DPH6: variants seen among roughly 807,000 people sequenced by gnomAD.
DPH6 encodes diphthine--ammonia ligase.
A neutral mutation model predicts 38.2 loss-of-function variants in DPH6; 33 were observed. The ratio of observed to expected loss-of-function variants is 0.86; its 90% CI spans 0.65 to 1.15. The LOEUF is 1.15. Among genes scored for constraint, DPH6 ranks in the 50% most tolerant of loss-of-function variants. The pLI is 0.00. For missense variants in DPH6, 325 were observed against 320.0 expected, an observed-to-expected ratio of 1.02 and a Z score of -0.12; for synonymous variants, 108 against 103.0, an observed-to-expected ratio of 1.05 and a Z score of -0.30.
chr15:35,298,811 C>T lies in DPH6; in HGVS notation n.200+74710G>A, dbSNP rs149596748. On this transcript the variant is annotated intron_variant and non_coding_transcript_variant, in intron 3 of 3. Transcript: ENST00000560386. ...GGAGATCTCGGTCTGTCTTGTTCCTCGTACACTGGGGGAGGAATGGCAGTT... is the reference window on the plus strand; with the variant it reads ...GGAGATCTCGGTCTGTCTTGTTCCTTGTACACTGGGGGAGGAATGGCAGTT... The T allele has an allele frequency of 1.2e-5, 13 of 1,120,626 alleles. No homozygotes were observed. In the East Asian group the frequency reaches 1.9e-4, roughly 16 times the overall value. 69.4% of individuals were successfully genotyped at this position (1,120,626 alleles called of 1,614,324 possible).
At chr15:35,151,099 C>T in the DPH6 span, among the ~76,000 whole-genome samples, 48 of 152,280 alleles carry the variant, frequency 3.2e-4, no homozygotes, top group East Asian at 3.9e-4. Flanking sequence ...GTAGGTAACT[C>T]GATTGAGTTA....
chr15:35,480,093 GAAGT>G (rs1158163910), intron 3 of DPH6, among the ~76,000 whole-genome samples: 2 of 151,748 alleles, frequency 1.3e-5, no homozygotes, highest in Non-Finnish European at 1.5e-5. Context: ...TGCATTAACT[GAAGT>G]AAGTCAATAT....
intron 3 of DPH6, among the ~76,000 whole-genome samples, chr15:35,300,578 GGTGA>G (rs1313606571): frequency 6.6e-6 from 1 of 152,276 alleles, no homozygotes; most frequent in East Asian, 1.9e-4. Flanking sequence ...TGAGCAACTG[GGTGA>G]GTATTTATGC....
At chr15:35,530,416 C>T (rs2055068937) in intron 3 of DPH6, among the ~76,000 whole-genome samples, 1 of 151,988 alleles carries the variant, frequency 6.6e-6, no homozygotes, top group African/African-American at 2.4e-5. Context: ...AAATACTCAA[C>T]ACAATGTAAG....
the DPH6 span, among the ~76,000 whole-genome samples, chr15:35,160,100 C>G: frequency 1.3e-5 from 2 of 151,938 alleles, no homozygotes; most frequent in Non-Finnish European, 2.9e-5. Flanking sequence ...ACTATGCTCA[C>G]TACCTGGGTG....
chr15:35,337,674 A>G (rs9672730), intron 3 of DPH6, among the ~76,000 whole-genome samples: 4,987 of 152,270 alleles, frequency 0.033, 249 homozygotes, highest in African/African-American at 0.11. Context: ...AGAATTGGAA[A>G]AAACTACTTT....
At chr15:35,485,809 G>C (rs551968987) in intron 3 of DPH6, among the ~76,000 whole-genome samples, 2 of 152,160 alleles carry the variant, frequency 1.3e-5, no homozygotes, top group African/African-American at 4.8e-5. Flanking sequence ...TTGGATTATG[G>C]TGATATGATG....
intron 3 of DPH6, among the ~76,000 whole-genome samples, chr15:35,501,750 G>A (rs1407292463): frequency 6.6e-6 from 1 of 152,102 alleles, no homozygotes; most frequent in Non-Finnish European, 1.5e-5. Context: ...TAGAGAAAAT[G>A]TAGAAGGTCA....
At chr15:35,173,598 T>C in the DPH6 span, among the ~76,000 whole-genome samples, 1 of 152,034 alleles carries the variant, frequency 6.6e-6, no homozygotes, top group African/African-American at 2.4e-5. Flanking sequence ...CAATGGATTC[T>C]GGTCTAATGT....
chr15:35,475,879 C>T (rs2054258011), intron 3 of DPH6, among the ~76,000 whole-genome samples: 1 of 151,730 alleles, frequency 6.6e-6, no homozygotes, highest in Admixed American at 6.6e-5. Flanking sequence ...AAGCCACAGT[C>T]TCTGCCCTCA....
chr15:35,385,425 T>A (rs1365423492), intron 6 of DPH6, among the ~76,000 whole-genome samples: 2 of 151,912 alleles, frequency 1.3e-5, no homozygotes, highest in Admixed American at 6.6e-5. Flanking sequence ...CAGCATGGAG[T>A]ACTATGTAGC....
chr15:35,520,994 T>C (rs571392944), intron 3 of DPH6: 5 of 985,184 alleles, frequency 5.1e-6, no homozygotes, highest in Middle Eastern at 5.2e-4. Context: ...TCCAGTAATA[T>C]GTCAACCTAC....
intron 6 of DPH6, among the ~76,000 whole-genome samples, chr15:35,406,468 C>T (rs1476384510): frequency 6.6e-6 from 1 of 151,894 alleles, no homozygotes; most frequent in Non-Finnish European, 1.5e-5. Context: ...CATGATGGGA[C>T]TGTGGACAAT....
intron 3 of DPH6, among the ~76,000 whole-genome samples, chr15:35,293,965 C>A (rs1359084977): frequency 1.3e-5 from 2 of 152,144 alleles, no homozygotes; most frequent in East Asian, 3.8e-4. Flanking sequence ...GCAATCCAAC[C>A]TCTAGCCTCT....
chr15:35,262,567 G>A (rs558769259), intron 3 of DPH6, among the ~76,000 whole-genome samples: 23 of 152,018 alleles, frequency 1.5e-4, no homozygotes, highest in African/African-American at 2.7e-4. Context: ...TTAGCTGGGC[G>A]TGGTGGCGGG....
At chr15:35,522,592 A>T (rs1488182646) in intron 3 of DPH6, among the ~76,000 whole-genome samples, 1 of 152,146 alleles carries the variant, frequency 6.6e-6, no homozygotes, top group Non-Finnish European at 1.5e-5. Context: ...TGAACCTTCA[A>T]AAAGGACCTG....
chr15:35,412,799 G>C (rs1273070067), intron 5 of DPH6, among the ~76,000 whole-genome samples: 1 of 151,656 alleles, frequency 6.6e-6, no homozygotes, highest in East Asian at 1.9e-4. Context: ...ATAGTAGAAA[G>C]GCCAGTGATT....
chr15:35,454,815 T>C lies in DPH6; in HGVS notation c.318A>G (p.Lys106=). 4.4e-6 allele frequency: 7 copies of C among 1,595,484 alleles called. No individual in the cohort carries two copies. The highest frequency in any genetic ancestry group is 6.0e-6 in the Non-Finnish European group (7 of 1,173,408). The stretch of plus-strand genomic sequence containing the variant: ...CTACTGATATCCCCTCTACTTCTTC[T>C]TTTTCCTGAAAATAAAGAAAAAAAC... ...LYELLKLVKE[K]EEVEGISVGA... The change falls in exon 4 of 9, where the codon AAA becomes AAG. Residue 106 remains lysine, a synonymous_variant. Transcript: ENST00000256538.
chr15:35,307,446 G>T (rs960552018), intron 3 of DPH6, among the ~76,000 whole-genome samples: 2 of 152,106 alleles, frequency 1.3e-5, no homozygotes, highest in African/African-American at 2.4e-5. Flanking sequence ...TGACTGAAGA[G>T]ACTAAATGTA....
Sources: allele counts gnomAD v4.1 joint callset (sites outside exome capture counted in the v4.1 genomes callset), GRCh38; gene constraint gnomAD v4.1.1; transcripts MANE v1.5; gene names NCBI Gene and HGNC (gene_info 2026-07-23, HGNC 2026-07-21).